Variants in MARF1 observed in about 807,000 individuals in gnomAD.
MARF1 encodes the protein limkain-b1.
Under a neutral mutation model 168.2 loss-of-function variants are expected in MARF1, and 24 were observed. The observed-to-expected ratio is 0.14, with a 90% confidence interval of 0.10 to 0.20. The LOEUF is 0.20. MARF1 is among the 10% of genes least tolerant of loss of function. MARF1 has a pLI of 1.00. For missense variants in MARF1, 1,744 were observed against 2,143.6 expected (o/e 0.81, Z 3.68); for synonymous variants, 868 against 822.4 (o/e 1.06, Z -0.95).
chr16:15,638,582 C>A (rs1398489034), intron 2 of MARF1, among the ~76,000 whole-genome samples: 2 of 149,408 alleles, frequency 1.3e-5, no homozygotes, highest in African/African-American at 2.5e-5. Flanking sequence ...CAAGACTGCA[C>A]CTCAAAAAAA....
chr16:15,641,407 G>T lies in MARF1; in HGVS notation c.-59+1611C>A, dbSNP rs147588329. 9.3e-3 allele frequency among the ~76,000 whole-genome samples: 1,410 copies of T among 152,240 alleles called. 17 individuals carry two copies. The highest frequency in any genetic ancestry group is 0.03 in the African/African-American group (1,267 of 41,542). On this transcript the variant is annotated intron_variant, in intron 1 of 26. Coordinates refer to ENST00000396368, the MANE Select transcript of MARF1 (RefSeq NM_014647.4). ...CCCCCAAAAAACTCCTCTCAAAATCGTAAGAATCTGTGATATTCACAGTGT... is the reference window on the plus strand; with the variant it reads ...CCCCCAAAAAACTCCTCTCAAAATCTTAAGAATCTGTGATATTCACAGTGT...
At position 15,631,487 on chromosome 16, in the gene MARF1, G is replaced by A. The variant is rs776815573; in HGVS notation, c.1245C>T (p.Ala415=). The part of the protein sequence containing the change: ...QELNNCQVTV[A]HINATAKNAA... ...CATTCTTTGCAGTAGCATTGATGTG[G>A]GCAACGGTTACCTGCATTAATTTAT... The change falls in exon 6 of 27, where the codon GCC becomes GCT. Residue 415 remains alanine (A), a synonymous_variant. Transcript: ENST00000396368. 1.9e-6 allele frequency: 3 copies of A among 1,610,482 alleles called. No individual in the cohort carries two copies. Among genetic ancestry groups the A allele is most frequent in the East Asian group, 2.2e-5 (1 of 44,828 alleles).
rs1295261262 is a variant in MARF1 at position 15,619,981 on chromosome 16, T to C, written c.2720+470A>G. Among the ~76,000 whole-genome samples, 3 of 152,154 alleles carry C rather than the reference T, an allele frequency of 2.0e-5. 1 individual carries two copies. The highest frequency in any genetic ancestry group is 2.0e-4 in the Admixed American group (3 of 15,278). ...GAGTTTAAGACCAGCCTGGCTAATATGGCGAAACCCTGTCTCTACTAAAAA... is the reference window on the plus strand; with the variant it reads ...GAGTTTAAGACCAGCCTGGCTAATACGGCGAAACCCTGTCTCTACTAAAAA... On this transcript the variant is annotated intron_variant, in intron 13 of 26. Transcript: ENST00000396368.
intron 12 of MARF1, among the ~76,000 whole-genome samples, 155 bp from the exon 13 acceptor site, chr16:15,620,686 GA>G (rs1355482012): frequency 6.6e-6 from 1 of 152,138 alleles, no homozygotes; most frequent in Admixed American, 6.5e-5. Context: ...TTAAAGAAAG[GA>G]TTTTAGGGAC....
intron 2 of MARF1, among the ~76,000 whole-genome samples, chr16:15,636,620 C>T (rs769134445): frequency 6.6e-6 from 1 of 152,192 alleles, no homozygotes; most frequent in Non-Finnish European, 1.5e-5. Flanking sequence ...TCTTTAGCAG[C>T]CACCATGCCT....
chr16:15,642,518 G>A (rs547083345), intron 1 of MARF1: 1 of 152,314 alleles, frequency 6.6e-6, no homozygotes, highest in East Asian at 1.9e-4. Context: ...ATACCGGAAA[G>A]GTGCTTGAGA....
chr16:15,620,387 G>T, intron 13 of MARF1, 64 bp downstream of exon 13: 1 of 937,288 alleles, frequency 1.1e-6, no homozygotes, highest in Non-Finnish European at 1.7e-6. Flanking sequence ...TCATTACCAT[G>T]GTTTTGTGCA....
chr16:15,616,842 A>T, intron 15 of MARF1: 1 of 539,154 alleles, frequency 1.9e-6, no homozygotes, highest in Non-Finnish European at 3.3e-6. Context: ...ATGTGATTAT[A>T]ATCTTATGGG....
chr16:15,630,343 G>A lies in MARF1; in HGVS notation c.1513C>T (p.Leu505=), dbSNP rs753772105. ...FISDLPPRLP[L]KMPQCHTLLY... ...GCAAACCCACTTACTGGCATTTTTA[G>A]TGGTAACCTGGGGGGCAAGTCGGAA... The change falls in exon 7 of 27, where the codon CTA becomes TTA. Residue 505 remains leucine, a synonymous_variant. Transcript: ENST00000396368. The A allele has an allele frequency of 6.3e-7, 1 of 1,599,192 alleles. No individual in the cohort carries two copies. Among genetic ancestry groups the A allele is most frequent in the East Asian group, 2.3e-5 (1 of 44,354 alleles).
chr16:15,598,152 A>C (rs189829267), intron 26 of MARF1, among the ~76,000 whole-genome samples: 73 of 152,296 alleles, frequency 4.8e-4, no homozygotes, highest in African/African-American at 1.7e-3. Flanking sequence ...CCGCAGGACA[A>C]GAGGGCTTGG....
At chr16:15,616,410 G>A (rs568956377) in intron 15 of MARF1, among the ~76,000 whole-genome samples, 1 of 152,280 alleles carries the variant, frequency 6.6e-6, no homozygotes, top group East Asian at 1.9e-4. Context: ...TGAAATGTAT[G>A]CATATTTGAA....
rs2033670569 is a variant in MARF1, at chr16:15,612,649, A to G, written c.3382T>C (p.Tyr1128His). The change falls in exon 17 of 27, where the codon TAT becomes CAT. Residue 1128 changes from tyrosine to histidine, a missense_variant. This residue lies in a region of MARF1 where 543 missense variants were observed against 742.1 expected (regional missense o/e 0.73). Coordinates refer to ENST00000396368, the MANE Select transcript of MARF1 (RefSeq NM_014647.4). ...VIPISHFIPS[Y>H]HHHFAKQCRV... ...CACTGCTTTGCAAAATGATGGTGAT[A>G]GGATGGGATGAAATGACTGATGGGT... The G allele has an allele frequency of 6.2e-7, 1 of 1,614,064 alleles. No homozygotes were observed. The highest frequency in any genetic ancestry group is 8.5e-7 in the Non-Finnish European group (1 of 1,180,014).
Position 15,598,979 on chromosome 16 carries a change from G to A in MARF1, c.4859C>T (p.Ser1620Phe), listed in dbSNP as rs142983571. ...AGGCGCACACAGGAGGTCGACGGGG[G>A]AGTCGTCGGTCAGGCGGAGAAGCTC... is the stretch of plus-strand genomic sequence containing the variant. Reference protein sequence around the residue: ...EQELLRLTDDSPVDLLCAPVP... With the variant: ...EQELLRLTDDFPVDLLCAPVP... The change falls in exon 26 of 27, where the codon TCC becomes TTC. Residue 1620 changes from serine to phenylalanine, a missense_variant. This residue lies in a region of MARF1 where 313 missense variants were observed against 337.4 expected (regional missense o/e 0.93). Transcript: ENST00000396368. 5.6e-3 allele frequency: 9,102 copies of A among 1,612,188 alleles called. 27 individuals carry two copies. Among genetic ancestry groups the A allele is most frequent in the Non-Finnish European group, 6.8e-3 (7,970 of 1,179,272 alleles).
chr16:15,615,826 C>A lies in MARF1; in HGVS notation c.3253+4G>T. ...AGCTCCAGGACAAAATACCTGACACCTACCAGTGTTGGGAGGCGGGGGCTT... is the reference window on the plus strand; with the variant it reads ...AGCTCCAGGACAAAATACCTGACACATACCAGTGTTGGGAGGCGGGGGCTT... On this transcript the variant is annotated splice_donor_region_variant and intron_variant, in intron 16 of 26. Coordinates refer to ENST00000396368, the MANE Select transcript of MARF1 (RefSeq NM_014647.4). 1 of 1,533,470 alleles carries A rather than the reference C, an allele frequency of 6.5e-7. No individual in the cohort carries two copies. The highest frequency in any genetic ancestry group is 8.8e-7 in the Non-Finnish European group (1 of 1,134,612). 95.0% of individuals were successfully genotyped at this position (1,533,470 alleles called of 1,614,324 possible).
chr16:15,620,445 A>T lies in MARF1; in HGVS notation c.2720+6T>A. 1 of 1,593,758 alleles carries T rather than the reference A, an allele frequency of 6.3e-7. No individual in the cohort carries two copies. Among genetic ancestry groups the T allele is most frequent in the South Asian group, 1.1e-5 (1 of 90,234 alleles). ...ACTGGATAAAGAAAAAATATACCTA[A>T]CTTACTTTTTTTCATAGATATCTGT... On this transcript the variant is annotated splice_donor_region_variant and intron_variant, in intron 13 of 26. Coordinates refer to ENST00000396368, the MANE Select transcript of MARF1 (RefSeq NM_014647.4).
At chr16:15,635,160 T>A (rs2035500038) in intron 3 of MARF1, 1 of 487,684 alleles carries the variant, frequency 2.1e-6, no homozygotes, top group South Asian at 4.0e-5. Context: ...CGTGGTCAGA[T>A]CTTTACATTC....
At chr16:15,619,889 C>G (rs145244713) in intron 13 of MARF1, among the ~76,000 whole-genome samples, 1 of 152,136 alleles carries the variant, frequency 6.6e-6, no homozygotes, top group African/African-American at 2.4e-5. Flanking sequence ...CTTGGCCAGG[C>G]GCAGTGGCTC....
chr16:15,633,091 C>T (rs553099692), intron 5 of MARF1, among the ~76,000 whole-genome samples: 95 of 150,646 alleles, frequency 6.3e-4, no homozygotes, highest in Admixed American at 2.1e-3. Context: ...TGATCTTTTG[C>T]TAATTTATTT....
At chr16:15,603,976 G>C (rs544560159) in intron 22 of MARF1, among the ~76,000 whole-genome samples, 192 bp downstream of exon 22, 11 of 152,256 alleles carry the variant, frequency 7.2e-5, no homozygotes, top group African/African-American at 2.6e-4. Flanking sequence ...GAGGAGACCA[G>C]GCTTTCACTG....
Sources: gnomAD v4.1 joint callset for allele counts (sites outside exome capture counted in the v4.1 genomes callset) on GRCh38, gnomAD v4.1.1 for gene constraint, gnomAD v4.1.1 regional missense constraint, MANE v1.5 for transcripts, NCBI Gene and HGNC (gene_info 2026-07-23, HGNC 2026-07-21) for gene names.